PTPRG: variants seen among roughly 807,000 people sequenced by gnomAD.
The protein encoded by PTPRG is protein tyrosine phosphatase receptor type G.
Under a neutral mutation model 165.3 loss-of-function variants are expected in PTPRG, and 102 were observed. That is an observed-to-expected ratio of 0.62 (90% CI 0.53 to 0.73). The LOEUF is 0.73. Among genes scored for constraint, PTPRG ranks in the 30% least tolerant of loss-of-function variants. The pLI is 0.00. For synonymous variants in PTPRG, 675 were observed against 669.5 expected (o/e 1.01, Z -0.13); for missense variants, 1,866 against 1,861.4 (o/e 1.00, Z -0.05).
chr3:62,076,494 T>TTTTGTTTG (rs202043848), intron 4 of PTPRG, among the ~76,000 whole-genome samples: 14 of 151,736 alleles, frequency 9.2e-5, no homozygotes, highest in South Asian at 2.1e-4. Context: ...GTCTGGTTTT[T>TTTTGTTTG]TTTGTTTGTT....
At chr3:62,104,627 G>A (rs1702409581) in intron 5 of PTPRG, among the ~76,000 whole-genome samples, 1 of 152,196 alleles carries the variant, frequency 6.6e-6, no homozygotes, top group Non-Finnish European at 1.5e-5. Flanking sequence ...ACTAGTATTT[G>A]TGTTTACGCC....
intron 3 of PTPRG, among the ~76,000 whole-genome samples, chr3:61,994,556 T>A (rs555730807): frequency 7.9e-5 from 12 of 152,274 alleles, no homozygotes; most frequent in African/African-American, 2.6e-4. Context: ...TATGTATAGA[T>A]GGGGAAGTCA....
chr3:61,905,890 C>T lies in PTPRG; in HGVS notation c.191-83735C>T, dbSNP rs535293490. Among the ~76,000 whole-genome samples, 43 of 152,298 alleles carry T rather than the reference C, an allele frequency of 2.8e-4. No homozygotes were observed. In the South Asian group the frequency reaches 7.0e-3, roughly 25 times the overall value. On this transcript the variant is annotated intron_variant, in intron 2 of 29. Transcript: ENST00000474889. ...TGAAATAGACCATTCAGTATTTCAT[C>T]ACTAATTTTACATGTATTATGTCTC...
intron 6 of PTPRG, among the ~76,000 whole-genome samples, chr3:62,144,224 A>G (rs1237132857): frequency 1.3e-5 from 2 of 152,230 alleles, no homozygotes; most frequent in African/African-American, 4.8e-5. Flanking sequence ...TCTAAACGGT[A>G]GCTATTGTAG....
intron 1 of PTPRG, among the ~76,000 whole-genome samples, chr3:61,602,459 G>C (rs367905566): frequency 7.2e-5 from 11 of 152,250 alleles, no homozygotes; most frequent in African/African-American, 2.6e-4. Flanking sequence ...TTCTCTGTGG[G>C]TCACACTAAA....
rs542904072 is a variant in PTPRG at position 61,994,768 on chromosome 3, C to T, written c.370+4964C>T. ...AATAAAATCTTAACAACCTTGGTCA[C>T]TTCCACATGCTATTTCCCTGACTGA... On this transcript the variant is annotated intron_variant, in intron 3 of 29. Transcript: ENST00000474889. 1.8e-3 allele frequency among the ~76,000 whole-genome samples: 281 copies of T among 152,352 alleles called. 2 individuals carry two copies. The highest frequency in any genetic ancestry group is 6.6e-3 in the African/African-American group (276 of 41,592).
chr3:62,285,524 T>TGGG (rs67228745), intron 28 of PTPRG, among the ~76,000 whole-genome samples: 60 of 39,286 alleles, frequency 1.5e-3, no homozygotes, highest in African/African-American at 4.9e-3. Context: ...AGGTGGTTGT[T>TGGG]GGGGGGGGGG....
At chr3:62,052,160 A>G (rs531700420) in intron 4 of PTPRG, among the ~76,000 whole-genome samples, 13 of 152,192 alleles carry the variant, frequency 8.5e-5, no homozygotes, top group Non-Finnish European at 1.5e-4. Context: ...CTCATCTGCA[A>G]TATATTTTGT....
intron 5 of PTPRG, among the ~76,000 whole-genome samples, chr3:62,112,890 C>T (rs1702721924): frequency 6.6e-6 from 1 of 152,168 alleles, no homozygotes; most frequent in Admixed American, 6.5e-5. Context: ...ATGATTGACT[C>T]TTCTTCTGCG....
chr3:62,260,907 G>A (rs924760594), intron 16 of PTPRG: 2 of 152,144 alleles, frequency 1.3e-5, no homozygotes, highest in African/African-American at 2.4e-5. Context: ...TTTTGTTTCT[G>A]TCATTCATCT....
intron 5 of PTPRG, among the ~76,000 whole-genome samples, chr3:62,130,078 G>A (rs1316297436): frequency 1.3e-5 from 2 of 152,128 alleles, no homozygotes; most frequent in African/African-American, 4.8e-5. Flanking sequence ...ATCGTTTTAT[G>A]GGTCAGTAGG....
chr3:61,874,963 T>C (rs1347373894), intron 2 of PTPRG, among the ~76,000 whole-genome samples: 1 of 152,186 alleles, frequency 6.6e-6, no homozygotes, highest in East Asian at 1.9e-4. Flanking sequence ...GCAAACCTGT[T>C]AAGTCCCACG....
intron 5 of PTPRG, among the ~76,000 whole-genome samples, chr3:62,086,227 T>C (rs1187078109): frequency 6.6e-6 from 1 of 151,884 alleles, no homozygotes; most frequent in Admixed American, 6.6e-5. Flanking sequence ...CCCAAAAGAG[T>C]CTTTTTCTTT....
chr3:61,674,979 A>G (rs868357030), intron 1 of PTPRG, among the ~76,000 whole-genome samples: 7 of 152,242 alleles, frequency 4.6e-5, no homozygotes, highest in Non-Finnish European at 8.8e-5. Flanking sequence ...AGAAGTTAAA[A>G]TAAATTAGAA....
intron 2 of PTPRG, among the ~76,000 whole-genome samples, chr3:61,829,911 T>A (rs189316473): frequency 1.3e-5 from 2 of 152,214 alleles, no homozygotes; most frequent in African/African-American, 4.8e-5. Context: ...GTTGGGACTG[T>A]TGATTTAGTG....
intron 2 of PTPRG, among the ~76,000 whole-genome samples, chr3:61,904,366 C>T (rs2038587282): frequency 6.6e-6 from 1 of 152,170 alleles, no homozygotes; most frequent in South Asian, 2.1e-4. Context: ...TTTTCTGTCT[C>T]TAAAGCAGGG....
intron 5 of PTPRG, among the ~76,000 whole-genome samples, chr3:62,119,696 C>T (rs1385669106): frequency 6.6e-6 from 1 of 151,808 alleles, no homozygotes; most frequent in African/African-American, 2.4e-5. Flanking sequence ...TCTTGGCTCA[C>T]TGCAAACTCC....
intron 4 of PTPRG, among the ~76,000 whole-genome samples, chr3:62,066,228 G>A (rs558566731): frequency 1.3e-5 from 2 of 152,336 alleles, no homozygotes; most frequent in South Asian, 4.1e-4. Flanking sequence ...TATCAGAAAT[G>A]AGGAAAGAAC....
chr3:61,754,508 A>G (rs960397522), intron 2 of PTPRG, among the ~76,000 whole-genome samples: 6 of 152,182 alleles, frequency 3.9e-5, no homozygotes, highest in African/African-American at 1.4e-4. Context: ...ATTATTGCTT[A>G]TAATTCCTTG....
Sources: allele counts gnomAD v4.1 joint callset (sites outside exome capture counted in the v4.1 genomes callset), GRCh38; gene constraint gnomAD v4.1.1; transcripts MANE v1.5; gene names NCBI Gene and HGNC (gene_info 2026-07-23, HGNC 2026-07-21).